MYO9A: variants seen among roughly 807,000 people sequenced by gnomAD.
The protein encoded by MYO9A is myosin IXA, also known as unconventional myosin-IXa.
A neutral mutation model predicts 293.3 loss-of-function variants in MYO9A; 103 were observed. That is an observed-to-expected ratio of 0.35 (90% CI 0.30 to 0.41). MYO9A has a LOEUF of 0.41. Ranked by LOEUF, MYO9A falls within the 10% of genes least tolerant of loss-of-function variation. The pLI is 1.00. For missense variants in MYO9A, 2,685 were observed against 3,033.0 expected (o/e 0.89, Z 2.69); for synonymous variants, 1,001 against 1,035.7 (o/e 0.97, Z 0.64).
chr15:71,915,840 A>C (rs1021720719), intron 19 of MYO9A, among the ~76,000 whole-genome samples: 3 of 152,188 alleles, frequency 2.0e-5, no homozygotes, highest in Non-Finnish European at 4.4e-5. Flanking sequence ...AGAAGAATGG[A>C]AGAGGCAATT....
intron 1 of MYO9A, among the ~76,000 whole-genome samples, chr15:72,078,754 T>C (rs1470989927): frequency 6.6e-6 from 1 of 152,146 alleles, no homozygotes; most frequent in African/African-American, 2.4e-5. Flanking sequence ...AAAAGGTGAA[T>C]AAACAAACCC....
At chr15:71,906,965 T>C (rs1270849858) in intron 19 of MYO9A, among the ~76,000 whole-genome samples, 1 of 149,728 alleles carries the variant, frequency 6.7e-6, no homozygotes, top group East Asian at 1.9e-4. Flanking sequence ...TATTATACTT[T>C]AAGTGTTAGG....
At chr15:72,100,616 C>T (rs1378963215) in intron 1 of MYO9A, among the ~76,000 whole-genome samples, 4 of 151,712 alleles carry the variant, frequency 2.6e-5, no homozygotes, top group Admixed American at 6.6e-5. Flanking sequence ...CCCGCCGCCC[C>T]GTCTGGGATG....
intron 12 of MYO9A, among the ~76,000 whole-genome samples, chr15:71,971,593 G>C (rs960416934): frequency 1.9e-5 from 1 of 53,690 alleles, no homozygotes; most frequent in Non-Finnish European, 4.2e-5. Flanking sequence ...CAAAAAAAAA[G>C]AAAAAAAAAG....
intron 1 of MYO9A, among the ~76,000 whole-genome samples, chr15:72,064,362 G>A (rs1376051991): frequency 2.6e-5 from 4 of 152,106 alleles, no homozygotes; most frequent in Admixed American, 6.5e-5. Flanking sequence ...TTGGGGTGAT[G>A]GATACCCCAT....
At chr15:72,114,152 G>GGGTTCCCTTGTGTAT (rs2080882398) in intron 1 of MYO9A, 2 of 152,040 alleles carry the variant, frequency 1.3e-5, no homozygotes, top group South Asian at 4.2e-4. Context: ...AACTTTTCCT[G>GGGTTCCCTTGTGTAT]GGTTCCCTTG....
rs571560966 is a variant in MYO9A at position 72,080,499 on chromosome 15, TA to T, written c.-71-33866del. 5.9e-4 allele frequency among the ~76,000 whole-genome samples: 90 copies of T among 152,044 alleles called. 1 individual carries two copies. Among genetic ancestry groups the T allele is most frequent in the African/African-American group, 2.1e-3 (88 of 41,494 alleles). On this transcript the variant is annotated intron_variant, in intron 1 of 41. Coordinates refer to ENST00000356056, the MANE Select transcript of MYO9A (RefSeq NM_006901.4). ...CAGTCTCCACAGCTCAAGGAGACAG[TA>T]AGAGCCAGAAAGCGTTAATACCAGT...
chr15:71,956,679 A>G (rs2059204365), intron 14 of MYO9A, among the ~76,000 whole-genome samples: 1 of 150,474 alleles, frequency 6.6e-6, no homozygotes, highest in African/African-American at 2.4e-5. Flanking sequence ...ATCTATCTAT[A>G]TATCTCTCTT....
At chr15:71,939,802 A>T (rs962057740) in intron 15 of MYO9A, among the ~76,000 whole-genome samples, 37 of 152,368 alleles carry the variant, frequency 2.4e-4, no homozygotes, top group African/African-American at 8.7e-4. Context: ...AATATATGTA[A>T]GATACACTGG....
intron 14 of MYO9A, among the ~76,000 whole-genome samples, chr15:71,956,324 A>ATAT (rs1463623990): frequency 1.5e-3 from 17 of 11,194 alleles, no homozygotes; most frequent in South Asian, 8.3e-3. Context: ...AAAAAAAAAA[A>ATAT]AAAAAAATAT....
At chr15:71,858,147 A>G (rs1018341127) in intron 34 of MYO9A, among the ~76,000 whole-genome samples, 3 of 152,290 alleles carry the variant, frequency 2.0e-5, no homozygotes, top group African/African-American at 7.2e-5. Context: ...GAACACTTTT[A>G]CACTGTTGGT....
intron 31 of MYO9A, 66 bp downstream of exon 31, chr15:71,877,974 T>C: frequency 7.3e-7 from 1 of 1,366,624 alleles, no homozygotes; most frequent in Admixed American, 2.6e-5. Context: ...ATACAAGATG[T>C]CCCAAACGCT....
chr15:71,839,242 A>G (rs1489428533), intron 39 of MYO9A, among the ~76,000 whole-genome samples: 1 of 152,078 alleles, frequency 6.6e-6, no homozygotes, highest in Non-Finnish European at 1.5e-5. Context: ...TTGCCCTTTG[A>G]GCTGAGTTAA....
In MYO9A at chr15:71,974,902, G is replaced by C. The variant is rs117057138; in HGVS notation, c.1844+3269C>G. On this transcript the variant is annotated intron_variant, in intron 12 of 41. Coordinates refer to ENST00000356056, the MANE Select transcript of MYO9A (RefSeq NM_006901.4). ...GCCTTCCAAAGGAGGAAAAGTTTGG[G>C]AACTACTGGAGAGGAGGAATAGCAG... 4.6e-5 allele frequency among the ~76,000 whole-genome samples: 7 copies of C among 152,336 alleles called. No homozygotes were observed. The East Asian group carries it at 1.3e-3, about 29-fold the overall frequency.
intron 34 of MYO9A, among the ~76,000 whole-genome samples, chr15:71,855,118 C>T (rs2055812588): frequency 6.6e-6 from 1 of 152,056 alleles, no homozygotes; most frequent in East Asian, 1.9e-4. Flanking sequence ...TGATATCACA[C>T]TTTATTTATT....
chr15:71,849,251 A>G (rs538931200), intron 38 of MYO9A, among the ~76,000 whole-genome samples: 1 of 152,046 alleles, frequency 6.6e-6, no homozygotes, highest in Non-Finnish European at 1.5e-5. Flanking sequence ...GGAGTTCGAG[A>G]CCAACCTGGC....
chr15:71,863,192 C>A (rs1343000174), intron 32 of MYO9A, among the ~76,000 whole-genome samples: 1 of 151,854 alleles, frequency 6.6e-6, no homozygotes, highest in East Asian at 1.9e-4. Flanking sequence ...CCTCAGACTC[C>A]CAAAGTGCTG....
rs75567885 is a variant in MYO9A at position 72,111,976 on chromosome 15, A to G, written c.-72+5704T>C. 7.7e-3 allele frequency among the ~76,000 whole-genome samples: 1,177 copies of G among 152,250 alleles called. 18 individuals carry two copies. The highest frequency in any genetic ancestry group is 0.027 in the African/African-American group (1,120 of 41,542). On this transcript the variant is annotated intron_variant, in intron 1 of 41. Transcript: ENST00000356056. ...CAAACGTTAACTGACTTGCCCATAAATGACAGTTCCAAAGTTATAAGGCTA... is the reference window on the plus strand; with the variant it reads ...CAAACGTTAACTGACTTGCCCATAAGTGACAGTTCCAAAGTTATAAGGCTA...
In MYO9A at chr15:71,935,380, G is replaced by C. The variant is rs2058611803; in HGVS notation, c.2483C>G (p.Thr828Ser). The C allele has an allele frequency of 6.2e-7, 1 of 1,613,574 alleles. No individual in the cohort carries two copies. The highest frequency in any genetic ancestry group is 8.5e-7 in the Non-Finnish European group (1 of 1,179,592). ...LDKDGIFANS[T>S]SSKLLERAHG... is the part of the protein sequence containing the mutation. ...GGCTCTCTCCAGGAGTTTGCTGCTA[G>C]TTGAATTAGCAAATATTCCATCTTT... Residue 828 changes from threonine to serine, a missense_variant, in exon 17 of 42, where the codon ACT becomes AGT. Around this residue, in one of 10 missense-constraint regions of MYO9A, gnomAD observed 1,434 missense variants for 1,497.7 expected, o/e 0.96. Coordinates refer to ENST00000356056, the MANE Select transcript of MYO9A (RefSeq NM_006901.4).
Sources: allele counts gnomAD v4.1 joint callset (sites outside exome capture counted in the v4.1 genomes callset), GRCh38; gene constraint gnomAD v4.1.1; regional missense constraint gnomAD v4.1.1; transcripts MANE v1.5; gene names NCBI Gene and HGNC (gene_info 2026-07-23, HGNC 2026-07-21).